The following B3GALT1 variants were observed in gnomAD, a reference collection of about 807,000 sequenced individuals.
B3GALT1 encodes the protein UDP-Gal:betaGlcNAc beta 1,3-galactosyltransferase, polypeptide 1.
B3GALT1 carries 10 observed loss-of-function variants against 23.2 expected under a neutral mutation model. The observed-to-expected ratio is 0.43, with a 90% CI of 0.27 to 0.73. The LOEUF (loss-of-function observed/expected upper bound fraction) is 0.73. B3GALT1 is among the 30% of genes least tolerant of loss of function. The probability of loss-of-function intolerance (pLI) is 0.21; values close to 1 mark genes in which losing one functional copy is unlikely to be tolerated. For missense variants in B3GALT1, 299 were observed against 405.4 expected, an observed-to-expected ratio of 0.74 and a Z score of 2.25; for synonymous variants, 156 against 141.5, an observed-to-expected ratio of 1.10 and a Z score of -0.73.
At position 167,350,367 on chromosome 2, in the gene B3GALT1, T is replaced by C. The variant is rs1697291035; in HGVS notation, c.-511+57033T>C. Among the ~76,000 whole-genome samples the C allele has an allele frequency of 3.9e-5, 6 of 152,236 alleles. 1 individual carries two copies. In the South Asian group the frequency reaches 1.2e-3, roughly 31 times the overall value. On this transcript the variant is annotated intron_variant, in intron 1 of 4. Coordinates refer to ENST00000392690, the MANE Select transcript of B3GALT1 (RefSeq NM_020981.4). ...GAACGTTTAATTTCTGGATTTCTTA[T>C]AAAATACAAATATTACAATTGATTA...
intron 2 of B3GALT1, among the ~76,000 whole-genome samples, chr2:167,491,483 CT>C (rs35378344): frequency 1.7e-3 from 202 of 121,974 alleles, no homozygotes; most frequent in Non-Finnish European, 2.1e-3. Context: ...TTTACTTTTG[CT>C]TTTTTTTTTT....
intron 1 of B3GALT1, among the ~76,000 whole-genome samples, chr2:167,454,112 T>C (rs1699130779): frequency 6.6e-6 from 1 of 152,252 alleles, no homozygotes; most frequent in African/African-American, 2.4e-5. Flanking sequence ...ATTTGTAAAT[T>C]GTATATTTGT....
At chr2:167,703,020 T>TCTAG (rs2105511178) in intron 3 of B3GALT1, among the ~76,000 whole-genome samples, 1 of 152,332 alleles carries the variant, frequency 6.6e-6, no homozygotes, top group African/African-American at 2.4e-5. Context: ...CCTGTCTATT[T>TCTAG]CTAGAGAGTG....
chr2:167,310,863 C>G (rs939572371), intron 1 of B3GALT1, among the ~76,000 whole-genome samples: 1 of 151,930 alleles, frequency 6.6e-6, no homozygotes, highest in Non-Finnish European at 1.5e-5. Flanking sequence ...TGTTCAAGCA[C>G]TTCTGGAAGT....
chr2:167,328,457 T>C (rs1254073955), intron 1 of B3GALT1, among the ~76,000 whole-genome samples: 2 of 152,198 alleles, frequency 1.3e-5, no homozygotes, highest in Non-Finnish European at 2.9e-5. Flanking sequence ...TGTATGTTTA[T>C]AGGAATTTAT....
intron 1 of B3GALT1, among the ~76,000 whole-genome samples, chr2:167,296,230 A>G (rs1696347681): frequency 6.6e-6 from 1 of 152,244 alleles, no homozygotes; most frequent in Non-Finnish European, 1.5e-5. Context: ...TTCTAAGAAG[A>G]TCACATCAAT....
chr2:167,560,244 C>A (rs1215695233), intron 2 of B3GALT1, among the ~76,000 whole-genome samples: 1 of 152,090 alleles, frequency 6.6e-6, no homozygotes, highest in Non-Finnish European at 1.5e-5. Context: ...ACTTTACAGA[C>A]AAACAAATGC....
intron 3 of B3GALT1, chr2:167,716,130 C>G (rs1687142375): frequency 1.4e-6 from 2 of 1,443,010 alleles, no homozygotes; most frequent in South Asian, 2.5e-5. Context: ...GGAGAACACG[C>G]AGCCTTGGGT....
intron 3 of B3GALT1, among the ~76,000 whole-genome samples, chr2:167,747,402 T>C (rs865781734): frequency 6.6e-6 from 1 of 152,198 alleles, no homozygotes; most frequent in East Asian, 1.9e-4. Flanking sequence ...AATTCATGTA[T>C]TGGAATCATT....
chr2:167,594,721 T>C (rs556929825), intron 2 of B3GALT1, among the ~76,000 whole-genome samples: 1 of 152,244 alleles, frequency 6.6e-6, no homozygotes, highest in South Asian at 2.1e-4. Flanking sequence ...AAGACCAGCC[T>C]GGCCAACGTG....
intron 3 of B3GALT1, among the ~76,000 whole-genome samples, chr2:167,669,015 A>G (rs949486478): frequency 1.3e-5 from 2 of 152,138 alleles, no homozygotes. Context: ...CCTTCTTTAT[A>G]TAAAGTTGCT....
At chr2:167,495,429 G>A (rs1699770501) in intron 2 of B3GALT1, among the ~76,000 whole-genome samples, 1 of 150,008 alleles carries the variant, frequency 6.7e-6, no homozygotes, top group Non-Finnish European at 1.5e-5. Context: ...TGCCTCCTAG[G>A]TTCAAGTGAT....
rs185979850 is a variant in B3GALT1 at position 167,490,957 on chromosome 2, T to G, written c.-410+680T>G. On this transcript the variant is annotated intron_variant, in intron 2 of 4. Transcript: ENST00000392690. ...GAATCTTTTCCTTTTTCTTCTCCGTTAACAAAATGATAAAGAAGCTCTTCC... is the reference window on the plus strand; with the variant it reads ...GAATCTTTTCCTTTTTCTTCTCCGTGAACAAAATGATAAAGAAGCTCTTCC... Among the ~76,000 whole-genome samples the G allele has an allele frequency of 3.3e-5, 5 of 152,312 alleles. No homozygotes were observed. In the East Asian group the frequency reaches 9.6e-4, roughly 29 times the overall value.
chr2:167,633,889 T>G (rs1458137814), intron 2 of B3GALT1, among the ~76,000 whole-genome samples: 2 of 152,092 alleles, frequency 1.3e-5, no homozygotes, highest in Non-Finnish European at 2.9e-5. Flanking sequence ...GAACAGAATA[T>G]ACATTCTTCT....
chr2:167,310,717 G>C (rs537938173), intron 1 of B3GALT1, among the ~76,000 whole-genome samples: 1 of 152,076 alleles, frequency 6.6e-6, no homozygotes, highest in African/African-American at 2.4e-5. Flanking sequence ...TAAGGGTTTT[G>C]AATGGGAAGG....
chr2:167,355,047 G>A (rs553282455), intron 1 of B3GALT1, among the ~76,000 whole-genome samples: 1 of 152,128 alleles, frequency 6.6e-6, no homozygotes, highest in Non-Finnish European at 1.5e-5. Flanking sequence ...ATCAGGTGTT[G>A]TCTCCTCCAT....
chr2:167,379,865 G>A (rs73021707), intron 1 of B3GALT1, among the ~76,000 whole-genome samples: 4,947 of 152,298 alleles, frequency 0.032, 257 homozygotes, highest in African/African-American at 0.11. Context: ...CTGCACAGGG[G>A]TGGCCTAAAC....
chr2:167,544,548 C>A (rs909419755), intron 2 of B3GALT1, among the ~76,000 whole-genome samples: 1 of 152,138 alleles, frequency 6.6e-6, no homozygotes, highest in African/African-American at 2.4e-5. Context: ...CCACCCACCT[C>A]GGCCTCCCAA....
intron 3 of B3GALT1, among the ~76,000 whole-genome samples, chr2:167,785,537 A>C (rs1688328041): frequency 2.6e-5 from 4 of 152,220 alleles, no homozygotes; most frequent in Admixed American, 2.6e-4. Context: ...GGCCATGTGA[A>C]TTCTGAGATT....
Sources: gnomAD v4.1 joint callset for allele counts (sites outside exome capture counted in the v4.1 genomes callset) on GRCh38, gnomAD v4.1.1 for gene constraint, MANE v1.5 for transcripts, NCBI Gene and HGNC (gene_info 2026-07-23, HGNC 2026-07-21) for gene names.